Variants in MGMT observed in about 807,000 individuals in gnomAD.
MGMT encodes O-6-methylguanine-DNA methyltransferase, also known as methylated-DNA--protein-cysteine methyltransferase.
A neutral mutation model predicts 15.9 loss-of-function variants in MGMT; 14 were observed. That is an observed-to-expected ratio of 0.88 (90% CI 0.58 to 1.37). MGMT has a LOEUF of 1.37. Ranked by LOEUF, MGMT falls within the 40% of genes most tolerant of loss-of-function variation. The pLI, the probability that MGMT is intolerant of heterozygous loss-of-function variation, is 0.00. For synonymous variants in MGMT, 130 were observed against 118.2 expected, an observed-to-expected ratio of 1.10 and a Z score of -0.65; for missense variants, 282 against 268.1, an observed-to-expected ratio of 1.05 and a Z score of -0.36.
intron 2 of MGMT, among the ~76,000 whole-genome samples, chr10:129,631,024 A>G (rs1486035545): frequency 1.3e-5 from 2 of 152,220 alleles, no homozygotes; most frequent in Non-Finnish European, 2.9e-5. Flanking sequence ...CCCAAATCTC[A>G]TCGGTATCAA....
At chr10:129,517,358 TCTTTCTGTCGCCTCC>T (rs1269645977) in intron 1 of MGMT, among the ~76,000 whole-genome samples, 2 of 152,184 alleles carry the variant, frequency 1.3e-5, no homozygotes, top group Non-Finnish European at 2.9e-5. Flanking sequence ...ACATCGTGAA[TCTTTCTGTCGCCTCC>T]CTGCCCCACC....
chr10:129,596,093 C>CT lies in MGMT; in HGVS notation c.125+59716_125+59717insT, dbSNP rs574169080. 3.4e-3 allele frequency among the ~76,000 whole-genome samples: 519 copies of CT among 151,644 alleles called. 3 individuals carry two copies. Among genetic ancestry groups the CT allele is most frequent in the Admixed American group, 9.2e-3 (140 of 15,220 alleles). On this transcript the variant is annotated intron_variant, in intron 2 of 4. Transcript: ENST00000651593. ...ACATCATTGCTTACTTCCCCCTGCCCCGCCCTGCCCCTCCCTGCCCCAGGG... is the reference window on the plus strand; with the variant it reads ...ACATCATTGCTTACTTCCCCCTGCCCTCGCCCTGCCCCTCCCTGCCCCAGGG...
intron 2 of MGMT, among the ~76,000 whole-genome samples, chr10:129,677,552 G>T (rs930880090): frequency 3.9e-5 from 6 of 152,166 alleles, no homozygotes; most frequent in Non-Finnish European, 8.8e-5. Context: ...ATGTAACCTG[G>T]AGTTGAGGGC....
intron 2 of MGMT, among the ~76,000 whole-genome samples, chr10:129,605,149 A>G (rs1053603177): frequency 2.6e-5 from 4 of 152,220 alleles, no homozygotes; most frequent in African/African-American, 9.6e-5. Context: ...AGATGTTTCA[A>G]ATGGGTTATT....
chr10:129,499,768 A>G (rs969260720), intron 1 of MGMT, among the ~76,000 whole-genome samples: 2 of 152,212 alleles, frequency 1.3e-5, no homozygotes, highest in African/African-American at 4.8e-5. Flanking sequence ...GGAGACTTTA[A>G]TGGATACTGT....
chr10:129,686,788 A>G (rs552385342), intron 2 of MGMT, among the ~76,000 whole-genome samples: 3 of 152,330 alleles, frequency 2.0e-5, no homozygotes, highest in African/African-American at 7.2e-5. Context: ...TACAGAAGTC[A>G]TGAGTTTGAA....
At chr10:129,562,082 G>A (rs772405690) in intron 2 of MGMT, among the ~76,000 whole-genome samples, 12 of 152,152 alleles carry the variant, frequency 7.9e-5, no homozygotes, top group Non-Finnish European at 1.6e-4. Context: ...GCTGAGGCAC[G>A]TTCCATTCTG....
At chr10:129,634,564 C>G (rs1233722884) in intron 2 of MGMT, among the ~76,000 whole-genome samples, 2 of 151,784 alleles carry the variant, frequency 1.3e-5, no homozygotes, top group Non-Finnish European at 2.9e-5. Context: ...TGTGTAGTTT[C>G]TATAGGAATA....
intron 3 of MGMT, among the ~76,000 whole-genome samples, chr10:129,709,877 G>A (rs901077277): frequency 1.1e-4 from 17 of 152,078 alleles, no homozygotes; most frequent in African/African-American, 3.9e-4. Context: ...CGCAGCTGCT[G>A]ACAGGAGCTC....
intron 2 of MGMT, among the ~76,000 whole-genome samples, chr10:129,546,827 G>C (rs1180755105): frequency 1.3e-5 from 2 of 152,206 alleles, no homozygotes; most frequent in Non-Finnish European, 2.9e-5. Flanking sequence ...TGTTTGATTA[G>C]TTTGACTTCG....
At chr10:129,567,355 C>A (rs1181493286) in intron 2 of MGMT, among the ~76,000 whole-genome samples, 2 of 151,978 alleles carry the variant, frequency 1.3e-5, no homozygotes, top group African/African-American at 2.4e-5. Flanking sequence ...GCAGGACAGA[C>A]CCCCCCAGAG....
At chr10:129,516,331 G>A (rs1156966664) in intron 1 of MGMT, among the ~76,000 whole-genome samples, 1 of 152,232 alleles carries the variant, frequency 6.6e-6, no homozygotes, top group Non-Finnish European at 1.5e-5. Context: ...TCTTTCTAGA[G>A]GCAGTGGCTG....
chr10:129,653,685 A>G (rs1273386715), intron 2 of MGMT, among the ~76,000 whole-genome samples: 1 of 152,216 alleles, frequency 6.6e-6, no homozygotes, highest in Non-Finnish European at 1.5e-5. Context: ...TGTGATGGCC[A>G]ATGCTTCTGC....
chr10:129,596,057 C>A (rs1007459653), intron 2 of MGMT, among the ~76,000 whole-genome samples: 5 of 152,240 alleles, frequency 3.3e-5, no homozygotes, highest in Middle Eastern at 3.4e-3. Context: ...TGTGAATACA[C>A]TGGGCATCTG....
intron 3 of MGMT, among the ~76,000 whole-genome samples, chr10:129,751,352 G>C (rs1256296218): frequency 6.6e-6 from 1 of 151,894 alleles, no homozygotes; most frequent in African/African-American, 2.4e-5. Context: ...TTTAATATCT[G>C]TGGGATCTGT....
At chr10:129,630,710 G>A (rs1011874020) in intron 2 of MGMT, among the ~76,000 whole-genome samples, 3 of 152,216 alleles carry the variant, frequency 2.0e-5, no homozygotes, top group African/African-American at 7.2e-5. Flanking sequence ...TCAAGGTGTT[G>A]TGATCAGTAA....
At chr10:129,714,564 C>T (rs1339520435) in intron 3 of MGMT, among the ~76,000 whole-genome samples, 1 of 152,068 alleles carries the variant, frequency 6.6e-6, no homozygotes, top group Non-Finnish European at 1.5e-5. Context: ...ATACTTCTTA[C>T]CCCTCCTCAA....
rs555450668 is a variant in MGMT at position 129,694,093 on chromosome 10, A to G, written c.126-13802A>G. On this transcript the variant is annotated intron_variant, in intron 2 of 4. Coordinates refer to ENST00000651593, the MANE Select transcript of MGMT (RefSeq NM_002412.5). ...GGGGTGGGAGAAGCCCAGGGCATCA[A>G]GTGCCACGGAAATAAAGCTGGTTGC... 2.6e-5 allele frequency: 4 copies of G among 152,366 alleles called. No homozygotes were observed. In the East Asian group the frequency reaches 7.8e-4, roughly 30 times the overall value. The allele number at this position is 152,366 out of a possible 1,614,324, so 9.4% of individuals were successfully genotyped here.
At chr10:129,665,253 C>T (rs1392391606) in intron 2 of MGMT, among the ~76,000 whole-genome samples, 3 of 135,052 alleles carry the variant, frequency 2.2e-5, no homozygotes, top group Non-Finnish European at 3.2e-5. Flanking sequence ...CTTACCCCCA[C>T]ACCCGCTCAC....
Sources: gnomAD v4.1 joint callset for allele counts (sites outside exome capture counted in the v4.1 genomes callset) on GRCh38, gnomAD v4.1.1 for gene constraint, MANE v1.5 for transcripts, NCBI Gene and HGNC (gene_info 2026-07-23, HGNC 2026-07-21) for gene names.